Variants in PDE3A observed in about 807,000 individuals in gnomAD.
PDE3A encodes phosphodiesterase 3A.
In PDE3A, 43 loss-of-function variants were observed where a neutral mutation model predicts 98.3. The ratio of observed to expected loss-of-function variants is 0.44; its 90% confidence interval spans 0.34 to 0.56. PDE3A has a LOEUF of 0.56. Among genes scored for constraint, PDE3A ranks in the 20% least tolerant of loss-of-function variants. The probability of loss-of-function intolerance (pLI) is 0.01; values close to 1 mark genes in which losing one functional copy is unlikely to be tolerated. For missense variants in PDE3A, 1,427 were observed against 1,440.7 expected, an observed-to-expected ratio of 0.99 and a Z score of 0.15; for synonymous variants, 663 against 567.9, an observed-to-expected ratio of 1.17 and a Z score of -2.38.
intron 1 of PDE3A, among the ~76,000 whole-genome samples, chr12:20,481,433 C>T (rs1231121323): frequency 6.6e-6 from 1 of 152,112 alleles, no homozygotes; most frequent in African/African-American, 2.4e-5. Context: ...TTATGTGGCT[C>T]TTTCAACTGT....
rs561141668 is a variant in PDE3A at position 20,585,343 on chromosome 12, T to G, written c.1012-28100T>G. 9.8e-5 allele frequency among the ~76,000 whole-genome samples: 15 copies of G among 152,374 alleles called. No homozygotes were observed. In the South Asian group the frequency reaches 2.1e-3, roughly 21 times the overall value. On this transcript the variant is annotated intron_variant, in intron 2 of 15. Transcript: ENST00000359062. Reference sequence around the variant, plus strand: ...GAGTTGGTATTTTCCAAATGTACTTTGTTGAGTTTTTGTCTCTGCCCTAAG... The same window carrying G: ...GAGTTGGTATTTTCCAAATGTACTTGGTTGAGTTTTTGTCTCTGCCCTAAG...
intron 1 of PDE3A, among the ~76,000 whole-genome samples, chr12:20,547,181 C>T (rs958124749): frequency 8.6e-5 from 13 of 151,068 alleles, no homozygotes; most frequent in Middle Eastern, 3.2e-3. Flanking sequence ...AGGACTTTTT[C>T]GATCTACTGT....
chr12:20,590,934 C>A (rs1565441110), intron 2 of PDE3A, among the ~76,000 whole-genome samples: 1 of 152,212 alleles, frequency 6.6e-6, no homozygotes, highest in Non-Finnish European at 1.5e-5. Context: ...CCACTTTGCA[C>A]GTCCTAGCTC....
intron 1 of PDE3A, among the ~76,000 whole-genome samples, chr12:20,415,915 G>T (rs531819142): frequency 6.6e-6 from 1 of 152,226 alleles, no homozygotes; most frequent in South Asian, 2.1e-4. Context: ...ACACATACTA[G>T]GTTGTGACTC....
At chr12:20,551,700 G>A (rs554778419) in intron 1 of PDE3A, 2 of 1,613,202 alleles carry the variant, frequency 1.2e-6, no homozygotes, top group Non-Finnish European at 1.7e-6. Flanking sequence ...GCGAGGACGA[G>A]TGGTACTGCC....
chr12:20,594,855 G>A (rs1943426154), intron 2 of PDE3A, among the ~76,000 whole-genome samples: 1 of 151,830 alleles, frequency 6.6e-6, no homozygotes, highest in African/African-American at 2.4e-5. Flanking sequence ...ATAGCATTCT[G>A]AATATAATAA....
At chr12:20,419,763 A>C (rs1273701996) in intron 1 of PDE3A, among the ~76,000 whole-genome samples, 2 of 138,806 alleles carry the variant, frequency 1.4e-5, no homozygotes, top group Non-Finnish European at 3.1e-5. Context: ...TTTGAGACAA[A>C]GTCTCACTCT....
At chr12:20,455,721 T>A (rs1278694834) in intron 1 of PDE3A, among the ~76,000 whole-genome samples, 1 of 152,188 alleles carries the variant, frequency 6.6e-6, no homozygotes, top group Non-Finnish European at 1.5e-5. Context: ...AACATCATAT[T>A]AATTGTTCCT....
At position 20,396,139 on chromosome 12, in the gene PDE3A, T is replaced by C. The variant is rs114049229; in HGVS notation, c.960+25895T>C. 5.4e-3 allele frequency among the ~76,000 whole-genome samples: 822 copies of C among 152,266 alleles called. 10 individuals carry two copies. Among genetic ancestry groups the C allele is most frequent in the African/African-American group, 0.019 (793 of 41,552 alleles). ...CTTTTGTAATTTAGAAAACAAGTATTATAAATGAAAAAAACCCTCATAGCT... is the reference window on the plus strand; with the variant it reads ...CTTTTGTAATTTAGAAAACAAGTATCATAAATGAAAAAAACCCTCATAGCT... On this transcript the variant is annotated intron_variant, in intron 1 of 15. Transcript: ENST00000359062.
chr12:20,458,219 T>G (rs1945186082), intron 1 of PDE3A, among the ~76,000 whole-genome samples: 1 of 152,152 alleles, frequency 6.6e-6, no homozygotes, highest in East Asian at 1.9e-4. Flanking sequence ...ATTGTTAATA[T>G]GTTTCCTGAA....
At chr12:20,649,795 G>A (rs371555508) in intron 13 of PDE3A, among the ~76,000 whole-genome samples, 75 of 151,984 alleles carry the variant, frequency 4.9e-4, no homozygotes, top group African/African-American at 9.6e-4. Flanking sequence ...GTGTGGTGGC[G>A]CACCCCTGTA....
chr12:20,387,611 T>C (rs1473116051), intron 1 of PDE3A, among the ~76,000 whole-genome samples: 1 of 152,024 alleles, frequency 6.6e-6, no homozygotes, highest in Non-Finnish European at 1.5e-5. Flanking sequence ...GAAATACTTC[T>C]ATTTTGTATC....
intron 1 of PDE3A, among the ~76,000 whole-genome samples, chr12:20,479,955 C>T (rs917091651): frequency 1.3e-5 from 2 of 152,154 alleles, no homozygotes; most frequent in South Asian, 2.1e-4. Context: ...ATTTAAAAGA[C>T]TTAGTTTGTC....
intron 1 of PDE3A, among the ~76,000 whole-genome samples, chr12:20,521,534 T>C (rs1946427676): frequency 6.6e-6 from 1 of 152,226 alleles, no homozygotes; most frequent in Non-Finnish European, 1.5e-5. Context: ...TGATACACAG[T>C]CCATTTTAAA....
At chr12:20,493,611 C>T (rs1257162472) in intron 1 of PDE3A, among the ~76,000 whole-genome samples, 2 of 152,090 alleles carry the variant, frequency 1.3e-5, no homozygotes, top group African/African-American at 2.4e-5. Context: ...CACATTCACA[C>T]TCACACCCAT....
At chr12:20,469,601 G>T (rs1047501782) in intron 1 of PDE3A, among the ~76,000 whole-genome samples, 2 of 152,120 alleles carry the variant, frequency 1.3e-5, no homozygotes, top group African/African-American at 4.8e-5. Flanking sequence ...CTATGTTGTC[G>T]ATAATAATTA....
At chr12:20,566,784 G>A (rs11045312) in intron 2 of PDE3A, among the ~76,000 whole-genome samples, 35,698 of 151,756 alleles carry the variant, frequency 0.24, 4,650 homozygotes, top group South Asian at 0.36. Context: ...AGTTAGAAAC[G>A]TGCAGTGAAT....
chr12:20,466,894 G>T lies in PDE3A; in HGVS notation c.961-89766G>T, dbSNP rs59371104. On this transcript the variant is annotated intron_variant, in intron 1 of 15. Transcript: ENST00000359062. ...TTGAAAGATAAATGAGATCTTCAGT[G>T]TGTGCTTAAGTCATTTTATAGTTAT... Among the ~76,000 whole-genome samples the T allele has an allele frequency of 7.8e-3, 1,186 of 152,228 alleles. 11 individuals are homozygous for T. The highest frequency in any genetic ancestry group is 0.027 in the African/African-American group (1,132 of 41,544).
In PDE3A at chr12:20,429,617, T is replaced by C. The variant is rs541406800; in HGVS notation, c.960+59373T>C. ...CTAAGTAATAATAATAGGCTCACTT[T>C]AACTTAGAAGGTAGATATTGTTGAG... On this transcript the variant is annotated intron_variant, in intron 1 of 15. Coordinates refer to ENST00000359062, the MANE Select transcript of PDE3A (RefSeq NM_000921.5). 4.6e-5 allele frequency among the ~76,000 whole-genome samples: 7 copies of C among 152,344 alleles called. No individual in the cohort carries two copies. The East Asian group carries it at 1.4e-3, about 29-fold the overall frequency.
Sources: allele counts gnomAD v4.1 joint callset (sites outside exome capture counted in the v4.1 genomes callset), GRCh38; gene constraint gnomAD v4.1.1; transcripts MANE v1.5; gene names NCBI Gene and HGNC (gene_info 2026-07-23, HGNC 2026-07-21).